The following CDKAL1 variants were observed in gnomAD, a reference collection of about 807,000 sequenced individuals.
The protein encoded by CDKAL1 is CDKAL1 threonylcarbamoyladenosine tRNA methylthiotransferase.
CDKAL1 carries 32 observed loss-of-function variants against 68.2 expected under a neutral mutation model. The observed-to-expected ratio is 0.47, with a 90% CI of 0.35 to 0.63. The LOEUF is 0.63. Ranked by LOEUF, CDKAL1 falls within the 30% of genes least tolerant of loss-of-function variation. The pLI is 0.00. For missense variants in CDKAL1, 606 were observed against 696.7 expected, an observed-to-expected ratio of 0.87 and a Z score of 1.47; for synonymous variants, 234 against 244.3, an observed-to-expected ratio of 0.96 and a Z score of 0.39.
intron 6 of CDKAL1, among the ~76,000 whole-genome samples, chr6:20,755,935 C>A (rs1774149462): frequency 1.3e-5 from 2 of 152,138 alleles, no homozygotes; most frequent in South Asian, 4.1e-4. Context: ...AGCAGATGAA[C>A]TTCTGGTTAC....
At chr6:21,073,250 A>G (rs1771892143) in intron 12 of CDKAL1, among the ~76,000 whole-genome samples, 1 of 152,168 alleles carries the variant, frequency 6.6e-6, no homozygotes, top group African/African-American at 2.4e-5. Context: ...GTTGCTTCCA[A>G]GTTTTGGCAA....
intron 5 of CDKAL1, among the ~76,000 whole-genome samples, chr6:20,652,086 C>T (rs1012225798): frequency 1.3e-5 from 2 of 152,050 alleles, no homozygotes; most frequent in African/African-American, 4.8e-5. Context: ...AGGAAGAAAT[C>T]CCTTGTTTTC....
chr6:21,066,788 A>T (rs1771466742), intron 12 of CDKAL1, among the ~76,000 whole-genome samples: 1 of 151,496 alleles, frequency 6.6e-6, no homozygotes, highest in Admixed American at 6.6e-5. Flanking sequence ...TGCCCAGCTC[A>T]TTTTGTTTTT....
At chr6:20,759,541 C>G (rs1186656531) in intron 7 of CDKAL1, among the ~76,000 whole-genome samples, 1 of 152,020 alleles carries the variant, frequency 6.6e-6, no homozygotes. Context: ...GACCCTATCT[C>G]AAAATAAATA....
chr6:21,219,098 G>C (rs1779442118), intron 15 of CDKAL1, among the ~76,000 whole-genome samples: 5 of 152,190 alleles, frequency 3.3e-5, no homozygotes, highest in Admixed American at 3.3e-4. Context: ...AGGAAAATAT[G>C]TAGAGATGTG....
intron 5 of CDKAL1, among the ~76,000 whole-genome samples, chr6:20,669,012 T>A (rs531600019): frequency 6.6e-6 from 1 of 152,322 alleles, no homozygotes; most frequent in South Asian, 2.1e-4. Context: ...CCAAGAAGAT[T>A]CAGGCTGTTG....
chr6:20,738,097 T>C (rs1773277718), intron 5 of CDKAL1, among the ~76,000 whole-genome samples: 1 of 152,208 alleles, frequency 6.6e-6, no homozygotes, highest in South Asian at 2.1e-4. Context: ...CCCTTACCTT[T>C]CTCAGTTGGT....
chr6:20,657,753 T>C (rs138476058), intron 5 of CDKAL1, among the ~76,000 whole-genome samples: 32 of 152,348 alleles, frequency 2.1e-4, no homozygotes, highest in African/African-American at 7.5e-4. Context: ...ATTATTGATA[T>C]TCAGACTGAT....
chr6:20,744,072 TAACA>T (rs1190626891), intron 6 of CDKAL1, among the ~76,000 whole-genome samples: 2 of 152,200 alleles, frequency 1.3e-5, no homozygotes, highest in African/African-American at 4.8e-5. Context: ...CTTTCTCTTT[TAACA>T]AATAGTTATA....
At chr6:20,811,561 G>A (rs1303084122) in intron 8 of CDKAL1, among the ~76,000 whole-genome samples, 1 of 152,026 alleles carries the variant, frequency 6.6e-6, no homozygotes, top group Non-Finnish European at 1.5e-5. Flanking sequence ...GTTATTTAAT[G>A]TGTGTCTTTA....
At chr6:20,764,773 C>T (rs60893008) in intron 7 of CDKAL1, among the ~76,000 whole-genome samples, 17,293 of 152,078 alleles carry the variant, frequency 0.11, 1,201 homozygotes, top group East Asian at 0.34. Flanking sequence ...CACAAAAGCA[C>T]ATCTGCTTTT....
chr6:21,032,867 T>C (rs746030821), intron 11 of CDKAL1, among the ~76,000 whole-genome samples: 7 of 152,202 alleles, frequency 4.6e-5, no homozygotes, highest in Non-Finnish European at 1.0e-4. Context: ...AAGTGATGCA[T>C]GACTGTATTT....
At chr6:20,725,561 G>T (rs1772604787) in intron 5 of CDKAL1, among the ~76,000 whole-genome samples, 1 of 151,952 alleles carries the variant, frequency 6.6e-6, no homozygotes, top group African/African-American at 2.4e-5. Flanking sequence ...GAGGCAGGCG[G>T]ATCACCTGAG....
intron 13 of CDKAL1, among the ~76,000 whole-genome samples, chr6:21,174,693 A>T (rs1777512574): frequency 6.6e-6 from 1 of 151,688 alleles, no homozygotes; most frequent in Non-Finnish European, 1.5e-5. Flanking sequence ...TGCCAAGAAT[A>T]AAAAAACACA....
intron 4 of CDKAL1, among the ~76,000 whole-genome samples, chr6:20,628,768 G>A (rs1378219446): frequency 6.6e-6 from 1 of 151,964 alleles, no homozygotes; most frequent in Non-Finnish European, 1.5e-5. Flanking sequence ...TTACATTGCA[G>A]AGCAGCCTGC....
chr6:20,844,962 C>A (rs998268542), intron 8 of CDKAL1, among the ~76,000 whole-genome samples: 2 of 152,080 alleles, frequency 1.3e-5, no homozygotes, highest in African/African-American at 4.8e-5. Context: ...GTTAGCAGTT[C>A]AAGATTATGT....
At chr6:20,592,534 T>A (rs1194756136) in intron 4 of CDKAL1, among the ~76,000 whole-genome samples, 3 of 151,158 alleles carry the variant, frequency 2.0e-5, no homozygotes, top group African/African-American at 7.3e-5. Context: ...AATGGTGCAA[T>A]TTCGGCCCAC....
chr6:20,824,039 T>C (rs1777398667), intron 8 of CDKAL1, among the ~76,000 whole-genome samples: 1 of 152,182 alleles, frequency 6.6e-6, no homozygotes, highest in African/African-American at 2.4e-5. Flanking sequence ...GGATGGACTG[T>C]TATTATTATG....
At chr6:20,896,079 CTTTT>C (rs201626326) in intron 9 of CDKAL1, among the ~76,000 whole-genome samples, 5 of 137,938 alleles carry the variant, frequency 3.6e-5, no homozygotes, top group African/African-American at 5.4e-5. Context: ...TTCTTTTTTT[CTTTT>C]TTTTCTTTTC....
Sources: allele counts gnomAD v4.1 joint callset (sites outside exome capture counted in the v4.1 genomes callset), GRCh38; gene constraint gnomAD v4.1.1; transcripts MANE v1.5; gene names NCBI Gene and HGNC (gene_info 2026-07-23, HGNC 2026-07-21).